TTC28: variants seen among roughly 807,000 people sequenced by gnomAD.
The protein encoded by TTC28 is tetratricopeptide repeat protein 28.
A neutral mutation model predicts 198.0 loss-of-function variants in TTC28; 61 were observed. That is an observed-to-expected ratio of 0.31 (90% confidence interval 0.25 to 0.38). TTC28 has a LOEUF of 0.38. TTC28 is among the 10% of genes least tolerant of loss of function. TTC28 has a pLI of 1.00. For synonymous variants in TTC28, 1,171 were observed against 1,297.8 expected (o/e 0.90, Z 2.10); for missense variants, 2,678 against 3,164.0 (o/e 0.85, Z 3.69).
chr22:28,623,968 CTCT>C (rs972768080), intron 2 of TTC28, among the ~76,000 whole-genome samples: 1 of 151,764 alleles, frequency 6.6e-6, no homozygotes, highest in African/African-American at 2.4e-5. Context: ...GGCCTATGTT[CTCT>C]TCTTAAGAAA....
intron 2 of TTC28, among the ~76,000 whole-genome samples, chr22:28,327,380 G>A (rs969662519): frequency 2.0e-5 from 3 of 152,148 alleles, no homozygotes; most frequent in Non-Finnish European, 4.4e-5. Flanking sequence ...GCTCAAGGAG[G>A]CTGTGATGTG....
chr22:28,023,844 C>A (rs150851703), intron 13 of TTC28, among the ~76,000 whole-genome samples: 29 of 152,264 alleles, frequency 1.9e-4, no homozygotes, highest in African/African-American at 7.0e-4. Context: ...AGCTGTGAGA[C>A]CCTGGGCAAC....
chr22:28,445,318 G>GT (rs2047686383), intron 2 of TTC28, among the ~76,000 whole-genome samples: 1 of 152,208 alleles, frequency 6.6e-6, no homozygotes, highest in African/African-American at 2.4e-5. Context: ...CCAAAAACCT[G>GT]TAAGAAGACA....
chr22:28,338,723 T>C (rs541806327), intron 2 of TTC28, among the ~76,000 whole-genome samples: 16 of 152,320 alleles, frequency 1.1e-4, no homozygotes, highest in Middle Eastern at 6.8e-3. Context: ...CATTGGTTAT[T>C]CTAGTTAGCC....
chr22:28,632,959 T>A, intron 1 of TTC28, among the ~76,000 whole-genome samples: 1 of 148,596 alleles, frequency 6.7e-6, no homozygotes, highest in East Asian at 1.9e-4. Flanking sequence ...ACCCTGTCTC[T>A]ATTTTAGAAA....
intron 2 of TTC28, among the ~76,000 whole-genome samples, chr22:28,430,767 G>C (rs1203068075): frequency 1.3e-5 from 2 of 151,784 alleles, no homozygotes; most frequent in Middle Eastern, 3.2e-3. Context: ...TGGGCATTAA[G>C]AGGAGAATAA....
chr22:28,405,755 C>T (rs1378286625), intron 2 of TTC28, among the ~76,000 whole-genome samples: 1 of 152,220 alleles, frequency 6.6e-6, no homozygotes, highest in Admixed American at 6.5e-5. Flanking sequence ...GCTGAAAGCA[C>T]CACTCCATAA....
In TTC28 at chr22:27,980,025, G is replaced by C. The variant is rs948307500; in HGVS notation, c.*2196C>G. On this transcript the variant is annotated 3_prime_UTR_variant, in exon 23 of 23. Coordinates refer to ENST00000397906, the MANE Select transcript of TTC28 (RefSeq NM_001145418.2). ...ACCACAGGAAGCGGCAGGGTGGTGGGGGTGTTTGCTAGAGAGGGGCAAATA... is the reference window on the plus strand; with the variant it reads ...ACCACAGGAAGCGGCAGGGTGGTGGCGGTGTTTGCTAGAGAGGGGCAAATA... 2.6e-5 allele frequency: 4 copies of C among 152,378 alleles called. No homozygotes were observed. The highest frequency in any genetic ancestry group is 2.6e-4 in the Admixed American group (4 of 15,300). The allele number at this position is 152,378 out of a possible 1,614,324, so 9.4% of individuals were successfully genotyped here. A position where few individuals can be genotyped will look rare whatever the true frequency, so the allele number is the denominator to read the frequency against.
chr22:27,990,509 G>C (rs1205369786), intron 20 of TTC28, among the ~76,000 whole-genome samples: 1 of 152,226 alleles, frequency 6.6e-6, no homozygotes, highest in African/African-American at 2.4e-5. Flanking sequence ...GGTTCACAGA[G>C]TGACACTCAC....
chr22:28,102,461 G>C (rs1942182647), intron 8 of TTC28, among the ~76,000 whole-genome samples: 1 of 152,178 alleles, frequency 6.6e-6, no homozygotes, highest in Non-Finnish European at 1.5e-5. Flanking sequence ...AACCTTGAGG[G>C]CTTTGTGAGA....
chr22:28,279,555 A>G (rs565340209), intron 5 of TTC28, among the ~76,000 whole-genome samples: 1 of 152,296 alleles, frequency 6.6e-6, no homozygotes, highest in African/African-American at 2.4e-5. Flanking sequence ...TATTTTTAGT[A>G]GAGACAGGGT....
intron 2 of TTC28, among the ~76,000 whole-genome samples, chr22:28,517,086 C>A (rs2048804785): frequency 6.6e-6 from 1 of 152,128 alleles, no homozygotes; most frequent in African/African-American, 2.4e-5. Context: ...GTTTTCAAAC[C>A]AAGTGTTTCC....
rs1267405148 is a variant in TTC28, at chr22:27,983,711, C to T, written c.5956G>A (p.Ala1986Thr). Residue 1986 changes from alanine to threonine, a missense_variant, in exon 23 of 23, where the codon GCC becomes ACC. Transcript: ENST00000397906. ...CTGTACACAGAGATGGCATCTGAGG[C>T]GATGCTGTCCGCACCGGTGGGAGAG... ...PFSPTGADSI[A>T]SDAISVYSLS... is the part of the protein sequence containing the mutation. The T allele has an allele frequency of 4.5e-6, 7 of 1,550,674 alleles. No homozygotes were observed. The highest frequency in any genetic ancestry group is 1.7e-4 in the Middle Eastern group (1 of 6,006).
chr22:28,516,920 C>T (rs2048800455), intron 2 of TTC28, among the ~76,000 whole-genome samples: 1 of 151,980 alleles, frequency 6.6e-6, no homozygotes, highest in African/African-American at 2.4e-5. Context: ...ACTTGCCAGT[C>T]GAAAGTATGT....
rs1308840135 is a variant in TTC28, at chr22:27,982,140, G to T, written c.*81C>A. Reference sequence around the variant, plus strand: ...ATGAGGGTGCTGGTGGCTGTGGGGGGACTGCACTCAGGGAAGGGCTGAAGC... The same window carrying T: ...ATGAGGGTGCTGGTGGCTGTGGGGGTACTGCACTCAGGGAAGGGCTGAAGC... On this transcript the variant is annotated 3_prime_UTR_variant, in exon 23 of 23. Transcript: ENST00000397906. This position sits in a 1 kb window ranked among gnomAD's most constrained non-coding sequence, Gnocchi z 5.2. 17 of 1,360,976 alleles carry T rather than the reference G, an allele frequency of 1.2e-5. No individual in the cohort carries two copies. The highest frequency in any genetic ancestry group is 1.6e-5 in the Non-Finnish European group (16 of 1,021,354). 84.3% of individuals were successfully genotyped at this position (1,360,976 alleles called of 1,614,324 possible).
intron 2 of TTC28, among the ~76,000 whole-genome samples, chr22:28,471,464 G>A (rs1339465940): frequency 1.3e-5 from 2 of 152,158 alleles, no homozygotes; most frequent in Non-Finnish European, 2.9e-5. Context: ...AAAAATGCAT[G>A]TTTAACATAA....
intron 2 of TTC28, among the ~76,000 whole-genome samples, chr22:28,321,685 A>G (rs1396684095): frequency 3.9e-5 from 6 of 152,368 alleles, no homozygotes; most frequent in African/African-American, 1.2e-4. Flanking sequence ...CAGAGTAGCT[A>G]TCCCACAAAT....
chr22:28,568,094 G>A (rs931498879), intron 2 of TTC28, among the ~76,000 whole-genome samples: 1 of 152,166 alleles, frequency 6.6e-6, no homozygotes, highest in African/African-American at 2.4e-5. Flanking sequence ...TATACCAAAT[G>A]ATTCAGCTGT....
In TTC28 at chr22:28,107,378, G is replaced by A; in HGVS notation, c.2467C>T (p.Leu823=). 2 of 1,551,850 alleles carry A rather than the reference G, an allele frequency of 1.3e-6. No homozygotes were observed. The highest frequency in any genetic ancestry group is 1.7e-6 in the Non-Finnish European group (2 of 1,147,040). The change falls in exon 7 of 23, where the codon CTA becomes TTA. Residue 823 remains leucine, a synonymous_variant. Transcript: ENST00000397906. ...CTCGGATCCTTCAGCTTTTGCCCTA[G>A]ATCCAGTTGCTCTTCATAACACTTG... is the stretch of plus-strand genomic sequence containing the variant. ...AFKCYEEQLD[L]GQKLKDPSLE...
Sources: allele counts gnomAD v4.1 joint callset (sites outside exome capture counted in the v4.1 genomes callset), GRCh38; gene constraint gnomAD v4.1.1; non-coding constraint Gnocchi (gnomAD v3.1); transcripts MANE v1.5; gene names NCBI Gene and HGNC (gene_info 2026-07-23, HGNC 2026-07-21).